Variants in SLC2A9 observed in about 807,000 individuals in gnomAD.
SLC2A9 encodes the protein solute carrier family 2, facilitated glucose transporter member 9.
Under a neutral mutation model 50.6 loss-of-function variants are expected in SLC2A9, and 39 were observed. The ratio of observed to expected loss-of-function variants is 0.77; its 90% CI spans 0.60 to 1.01. The LOEUF is 1.01. Among genes scored for constraint, SLC2A9 ranks in the 50% least tolerant of loss-of-function variants. The probability of loss-of-function intolerance (pLI) is 0.00; values close to 1 mark genes in which losing one functional copy is unlikely to be tolerated. For synonymous variants in SLC2A9, 324 were observed against 276.9 expected, an observed-to-expected ratio of 1.17 and a Z score of -1.69; for missense variants, 686 against 677.6, an observed-to-expected ratio of 1.01 and a Z score of -0.14.
intron 6 of SLC2A9, among the ~76,000 whole-genome samples, chr4:9,936,049 A>G (rs1747010834): frequency 6.6e-6 from 1 of 152,144 alleles, no homozygotes; most frequent in Non-Finnish European, 1.5e-5. Flanking sequence ...CAGTTGTCTT[A>G]CGCTGCCTCC....
rs912449292 is a variant in SLC2A9 at position 9,847,436 on chromosome 4, G to A, written c.1292-12428C>T. Among the ~76,000 whole-genome samples, 2 of 152,184 alleles carry A rather than the reference G, an allele frequency of 1.3e-5. 1 individual carries two copies. Among genetic ancestry groups the A allele is most frequent in the Admixed American group, 1.3e-4 (2 of 15,282 alleles). On this transcript the variant is annotated intron_variant, in intron 10 of 11. Transcript: ENST00000264784. The stretch of plus-strand genomic sequence containing the variant: ...TCACCTCCAACCAGGTCCCTCCCCT[G>A]ACACATGGGAATTACAATTTGACAT...
chr4:9,941,902 A>G lies in SLC2A9; in HGVS notation c.814+11T>C. The G allele has an allele frequency of 6.2e-7, 1 of 1,613,942 alleles. No homozygotes were observed. The highest frequency in any genetic ancestry group is 8.5e-7 in the Non-Finnish European group (1 of 1,179,876). ...GGGCTGGAGCTGTGCAGGAAAGGGAAGGGCCCTCACCTTTCACAGCTCTTG... is the reference window on the plus strand; with the variant it reads ...GGGCTGGAGCTGTGCAGGAAAGGGAGGGGCCCTCACCTTTCACAGCTCTTG... On this transcript the variant is annotated intron_variant, in intron 6 of 11. Coordinates refer to ENST00000264784, the MANE Select transcript of SLC2A9 (RefSeq NM_020041.3).
intron 7 of SLC2A9, among the ~76,000 whole-genome samples, chr4:9,909,166 C>T (rs764951639): frequency 2.0e-5 from 3 of 152,148 alleles, no homozygotes; most frequent in Non-Finnish European, 2.9e-5. Context: ...ACATAGAGCC[C>T]CTGCCTTGGG....
In SLC2A9 at chr4:9,962,037, G is replaced by C. The variant is rs1752349750; in HGVS notation, c.681+18555C>G. On this transcript the variant is annotated intron_variant, in intron 5 of 11. Coordinates refer to ENST00000264784, the MANE Select transcript of SLC2A9 (RefSeq NM_020041.3). ...TGAGATACCAATCTCATGCCAGTCA[G>C]AATGGAGATTATTAAAAAGTCAAGA... 2.0e-5 allele frequency among the ~76,000 whole-genome samples: 3 copies of C among 152,340 alleles called. 1 individual carries two copies. The South Asian group carries it at 6.2e-4, about 32-fold the overall frequency.
chr4:9,958,910 A>G (rs1207758728), intron 5 of SLC2A9, among the ~76,000 whole-genome samples: 1 of 152,232 alleles, frequency 6.6e-6, no homozygotes, highest in Non-Finnish European at 1.5e-5. Flanking sequence ...GTAGGTAGTT[A>G]GAAAACTAAG....
intron 6 of SLC2A9, among the ~76,000 whole-genome samples, chr4:9,929,402 C>T (rs1455362100): frequency 6.6e-6 from 1 of 152,210 alleles, no homozygotes; most frequent in East Asian, 1.9e-4. Context: ...CATGGAATAC[C>T]TCCAGAACTG....
intron 10 of SLC2A9, among the ~76,000 whole-genome samples, chr4:9,852,052 G>C (rs1425257894): frequency 1.3e-5 from 2 of 152,144 alleles, no homozygotes; most frequent in South Asian, 4.1e-4. Flanking sequence ...ACCCCTGTGA[G>C]ATACTATATA....
chr4:9,790,999 A>T (rs534228505), intron 3 of SLC2A9, among the ~76,000 whole-genome samples: 5 of 152,334 alleles, frequency 3.3e-5, no homozygotes, highest in African/African-American at 1.2e-4. Flanking sequence ...AATAATTTGA[A>T]TGTATAGTCT....
chr4:9,855,946 C>T (rs748180534), intron 10 of SLC2A9, among the ~76,000 whole-genome samples: 25 of 152,040 alleles, frequency 1.6e-4, no homozygotes, highest in Non-Finnish European at 2.6e-4. Flanking sequence ...CCTTACACAA[C>T]GTACAAAAAT....
chr4:9,991,661 C>T (rs950965071), intron 3 of SLC2A9, among the ~76,000 whole-genome samples: 2 of 152,074 alleles, frequency 1.3e-5, no homozygotes, highest in Non-Finnish European at 2.9e-5. Context: ...GATAATTAAA[C>T]TAAAATGAGG....
At chr4:9,828,748 C>G (rs1386944413) in intron 11 of SLC2A9, among the ~76,000 whole-genome samples, 1 of 152,218 alleles carries the variant, frequency 6.6e-6, no homozygotes, top group Non-Finnish European at 1.5e-5. Flanking sequence ...AATAGCCCCT[C>G]CCAGCCCTGC....
downstream of SLC2A9, among the ~76,000 whole-genome samples, chr4:9,794,525 C>T (rs1577302546): frequency 6.6e-6 from 1 of 152,326 alleles, no homozygotes; most frequent in East Asian, 1.9e-4. Context: ...TGCTGAGGCT[C>T]AGAGAACTCA....
At chr4:9,834,337 C>T (rs1018780999) in intron 11 of SLC2A9, among the ~76,000 whole-genome samples, 1 of 152,178 alleles carries the variant, frequency 6.6e-6, no homozygotes, top group Non-Finnish European at 1.5e-5. Flanking sequence ...TGGGACTCAA[C>T]ATATATATGT....
intron 7 of SLC2A9, among the ~76,000 whole-genome samples, chr4:9,915,461 C>T (rs577621516): frequency 6.6e-6 from 1 of 152,174 alleles, no homozygotes; most frequent in African/African-American, 2.4e-5. Flanking sequence ...ATCTTGAACT[C>T]CCGACCTCAA....
intron 11 of SLC2A9, among the ~76,000 whole-genome samples, chr4:9,831,521 G>A (rs182033713): frequency 9.8e-4 from 150 of 152,298 alleles, no homozygotes; most frequent in Middle Eastern, 3.4e-3. Flanking sequence ...AACATGGGAA[G>A]GGCATCCCTT....
At position 9,834,869 on chromosome 4, in the gene SLC2A9, T is replaced by C. The variant is rs1453007381; in HGVS notation, c.1419+12A>G. ...GGAACCCCATGGGCAAAAGACTCCT[T>C]GTCAGTCATACCTGAATGAATGGGA... On this transcript the variant is annotated intron_variant, in intron 11 of 11. Transcript: ENST00000264784. 1 of 1,614,098 alleles carries C rather than the reference T, an allele frequency of 6.2e-7. No homozygotes were observed. Among genetic ancestry groups the C allele is most frequent in the Non-Finnish European group, 8.5e-7 (1 of 1,180,024 alleles).
At chr4:9,904,256 C>T (rs1472396211) in intron 8 of SLC2A9, among the ~76,000 whole-genome samples, 1 of 152,212 alleles carries the variant, frequency 6.6e-6, no homozygotes, top group Non-Finnish European at 1.5e-5. Context: ...GCAGTGCAAA[C>T]ACGATGGTGT....
rs1758733021 is a variant in SLC2A9 at position 9,996,694 on chromosome 4, TTC to T, written c.410+85_410+86del. 49 of 1,507,514 alleles carry T rather than the reference TTC, an allele frequency of 3.3e-5. No homozygotes were observed. The Admixed American group carries it at 7.2e-4, about 22-fold the overall frequency. 93.4% of individuals were successfully genotyped at this position (1,507,514 alleles called of 1,614,324 possible). On this transcript the variant is annotated intron_variant, in intron 3 of 11. Coordinates refer to ENST00000264784, the MANE Select transcript of SLC2A9 (RefSeq NM_020041.3). The stretch of plus-strand genomic sequence containing the variant: ...CTCCAGTTGAACTGCCTGAGTGGAG[TTC>T]TGTTGCCTGTCAGGACCCTGACAAT...
intron 3 of SLC2A9, among the ~76,000 whole-genome samples, chr4:9,791,086 C>A (rs1172957001): frequency 1.3e-5 from 2 of 152,098 alleles, no homozygotes; most frequent in Admixed American, 1.3e-4. Context: ...GATGGAGAAC[C>A]CTAGAGGTCC....
Sources: allele counts gnomAD v4.1 joint callset (sites outside exome capture counted in the v4.1 genomes callset), GRCh38; gene constraint gnomAD v4.1.1; transcripts MANE v1.5; gene names NCBI Gene and HGNC (gene_info 2026-07-23, HGNC 2026-07-21).